SYNJ2BP: variants seen among roughly 807,000 people sequenced by gnomAD.
SYNJ2BP encodes the protein synaptojanin-2-binding protein.
Under a neutral mutation model 16.9 loss-of-function variants are expected in SYNJ2BP, and 10 were observed. The observed-to-expected ratio is 0.59, with a 90% CI of 0.36 to 1.00. The LOEUF (loss-of-function observed/expected upper bound fraction) is 1.00, where lower values mean the gene tolerates loss of function less well. Among genes scored for constraint, SYNJ2BP ranks in the 50% least tolerant of loss-of-function variants. The pLI is 0.01. For missense variants in SYNJ2BP, 162 were observed against 186.7 expected (o/e 0.87, Z 0.77); for synonymous variants, 54 against 68.4 (o/e 0.79, Z 1.04).
chr14:70,397,895 C>G (rs187472660), intron 1 of SYNJ2BP, among the ~76,000 whole-genome samples: 34 of 67,096 alleles, frequency 5.1e-4, no homozygotes, highest in African/African-American at 1.2e-3. Context: ...CAAAGAGGAG[C>G]TTTACTGAGT....
intron 3 of SYNJ2BP, among the ~76,000 whole-genome samples, chr14:70,373,553 G>A (rs117317858): frequency 0.01 from 1,596 of 152,288 alleles, 11 homozygotes; most frequent in Non-Finnish European, 0.015. Context: ...TCATCAAAAT[G>A]TAGTAAGAGC....
intron 1 of SYNJ2BP, among the ~76,000 whole-genome samples, chr14:70,397,838 G>C (rs1888135224): frequency 6.6e-6 from 1 of 152,216 alleles, no homozygotes; most frequent in South Asian, 2.1e-4. Context: ...TTCTTGTCCA[G>C]CAACCAGGAA....
intron 2 of SYNJ2BP, among the ~76,000 whole-genome samples, chr14:70,383,075 G>A (rs530538072): frequency 5.3e-5 from 8 of 152,164 alleles, no homozygotes; most frequent in Admixed American, 3.9e-4. Context: ...AATTTTTGAA[G>A]AAACCATAAA....
In SYNJ2BP at chr14:70,372,036, G is replaced by T. The variant is rs1013702913; in HGVS notation, c.*955C>A. 1.3e-5 allele frequency: 2 copies of T among 152,004 alleles called. No homozygotes were observed. 9.4% of individuals were successfully genotyped at this position (152,004 alleles called of 1,614,324 possible). On this transcript the variant is annotated 3_prime_UTR_variant, in exon 4 of 4. Coordinates refer to ENST00000256366, the MANE Select transcript of SYNJ2BP (RefSeq NM_018373.3). ...AAGTTTTTTAGATGTGAGCAGCGCT[G>T]GATTATGGCAATTTACCTTATAATA...
At chr14:70,401,226 T>G (rs1888228360) in intron 1 of SYNJ2BP, among the ~76,000 whole-genome samples, 1 of 152,230 alleles carries the variant, frequency 6.6e-6, no homozygotes. Flanking sequence ...AGACCTACTT[T>G]ATAATTGTCT....
chr14:70,407,237 A>G (rs7159039), intron 1 of SYNJ2BP, among the ~76,000 whole-genome samples: 133,020 of 152,082 alleles, frequency 0.87, 58,243 homozygotes, highest in East Asian at 0.93. Context: ...AACCATCCTG[A>G]CTAACATGGT....
At chr14:70,393,373 C>A (rs1888020072) in intron 1 of SYNJ2BP, among the ~76,000 whole-genome samples, 1 of 152,112 alleles carries the variant, frequency 6.6e-6, no homozygotes. Flanking sequence ...ATTAGTTCAA[C>A]CATTATGGAA....
intron 2 of SYNJ2BP, among the ~76,000 whole-genome samples, chr14:70,383,011 A>G (rs753897271): frequency 1.3e-5 from 2 of 152,208 alleles, no homozygotes; most frequent in Non-Finnish European, 2.9e-5. Flanking sequence ...TGGATATTGT[A>G]ATTTTTTACT....
At chr14:70,414,065 C>T (rs1418961445) in intron 1 of SYNJ2BP, among the ~76,000 whole-genome samples, 1 of 152,178 alleles carries the variant, frequency 6.6e-6, no homozygotes, top group Non-Finnish European at 1.5e-5. Context: ...TATTTTGAGA[C>T]AGTCTCCTCC....
intron 1 of SYNJ2BP, among the ~76,000 whole-genome samples, chr14:70,395,603 CT>C (rs1298043994): frequency 1.3e-5 from 2 of 152,112 alleles, no homozygotes; most frequent in Admixed American, 6.6e-5. Flanking sequence ...CACAACCCCC[CT>C]GTCTGTCTTT....
intron 1 of SYNJ2BP, among the ~76,000 whole-genome samples, chr14:70,396,055 G>C (rs1241758954): frequency 1.3e-5 from 2 of 152,070 alleles, no homozygotes; most frequent in African/African-American, 4.8e-5. Flanking sequence ...TATCTGTGTT[G>C]TTTCCACATT....
chr14:70,410,244 G>A (rs538781097), intron 1 of SYNJ2BP, among the ~76,000 whole-genome samples: 134 of 152,152 alleles, frequency 8.8e-4, no homozygotes, highest in Non-Finnish European at 1.6e-3. Flanking sequence ...GTGAAACCCC[G>A]TCTCTATGAA....
intron 1 of SYNJ2BP, among the ~76,000 whole-genome samples, chr14:70,406,651 A>G (rs981882780): frequency 2.6e-5 from 4 of 152,190 alleles, no homozygotes; most frequent in African/African-American, 7.2e-5. Context: ...CCTGCACTCA[A>G]TGGATCAGGC....
At chr14:70,379,837 TAA>T (rs1412514114) in intron 2 of SYNJ2BP, among the ~76,000 whole-genome samples, 3 of 152,192 alleles carry the variant, frequency 2.0e-5, no homozygotes, top group Non-Finnish European at 4.4e-5. Context: ...GGCAGACAAG[TAA>T]GTTAATGATG....
At chr14:70,409,605 C>G (rs1888425348) in intron 1 of SYNJ2BP, among the ~76,000 whole-genome samples, 1 of 152,196 alleles carries the variant, frequency 6.6e-6, no homozygotes, top group South Asian at 2.1e-4. Flanking sequence ...TTGAAGCAAT[C>G]TTTAGAGAAC....
At chr14:70,374,530 A>G (rs1483099229) in intron 3 of SYNJ2BP, among the ~76,000 whole-genome samples, 1 of 152,232 alleles carries the variant, frequency 6.6e-6, no homozygotes, top group East Asian at 1.9e-4. Context: ...GAAATTCTCA[A>G]TGCTATAGGA....
chr14:70,388,251 A>G (rs1405320579), intron 2 of SYNJ2BP, among the ~76,000 whole-genome samples: 2 of 152,216 alleles, frequency 1.3e-5, no homozygotes, highest in African/African-American at 4.8e-5. Context: ...GTAACTTCAC[A>G]TTCTGGGCTT....
chr14:70,377,372 C>T (rs143586918), intron 2 of SYNJ2BP, among the ~76,000 whole-genome samples: 201 of 152,284 alleles, frequency 1.3e-3, no homozygotes, highest in African/African-American at 4.6e-3. Flanking sequence ...AAGGTATATT[C>T]TCATTCTCCA....
At chr14:70,407,272 C>CA (rs1888366189) in intron 1 of SYNJ2BP, among the ~76,000 whole-genome samples, 1 of 151,888 alleles carries the variant, frequency 6.6e-6, no homozygotes, top group African/African-American at 2.4e-5. Flanking sequence ...ACTAAAAATA[C>CA]AAAAAATTAG....
Sources: gnomAD v4.1 joint callset for allele counts (sites outside exome capture counted in the v4.1 genomes callset) on GRCh38, gnomAD v4.1.1 for gene constraint, MANE v1.5 for transcripts, NCBI Gene and HGNC (gene_info 2026-07-23, HGNC 2026-07-21) for gene names.